TM7SF3: variants seen among roughly 807,000 people sequenced by gnomAD.
TM7SF3 encodes seven span transmembrane protein.
In TM7SF3, 60 loss-of-function variants were observed where a neutral mutation model predicts 65.5. The ratio of observed to expected loss-of-function variants is 0.92; its 90% confidence interval spans 0.74 to 1.14. The LOEUF is 1.14. Ranked by LOEUF, TM7SF3 falls within the 50% of genes most tolerant of loss-of-function variation. The pLI is 0.00. For synonymous variants in TM7SF3, 264 were observed against 259.6 expected, an observed-to-expected ratio of 1.02 and a Z score of -0.16; for missense variants, 623 against 684.8, an observed-to-expected ratio of 0.91 and a Z score of 1.01.
chr12:27,003,452 T>C (rs762283967), intron 1 of TM7SF3, 62 bp from the exon 2 acceptor site: 14 of 1,428,138 alleles, frequency 9.8e-6, no homozygotes, highest in Admixed American at 2.1e-5. Flanking sequence ...GCAGAAATCA[T>C]ATTCATAAAT....
chr12:27,008,163 C>A (rs1307404741), intron 1 of TM7SF3, among the ~76,000 whole-genome samples: 1 of 151,846 alleles, frequency 6.6e-6, no homozygotes, highest in African/African-American at 2.4e-5. Context: ...TATACCGCAT[C>A]AACTTACTGT....
intron 2 of TM7SF3, among the ~76,000 whole-genome samples, chr12:27,001,404 C>T (rs185430258): frequency 2.6e-5 from 4 of 152,310 alleles, no homozygotes; most frequent in African/African-American, 7.2e-5. Context: ...ATAGGCATCA[C>T]TACTAATTTG....
At chr12:26,978,562 A>G (rs1374597012) in intron 9 of TM7SF3, 1 of 152,100 alleles carries the variant, frequency 6.6e-6, no homozygotes, top group Admixed American at 6.6e-5. Flanking sequence ...ATTAAGTAGT[A>G]GTTGGTTTTT....
At chr12:26,992,849 T>G (rs1198656860) in intron 5 of TM7SF3, among the ~76,000 whole-genome samples, 1 of 148,788 alleles carries the variant, frequency 6.7e-6, no homozygotes, top group Non-Finnish European at 1.5e-5. Flanking sequence ...TTAGCTCACC[T>G]ACGAAAATGA....
intron 2 of TM7SF3, among the ~76,000 whole-genome samples, chr12:27,000,490 C>T (rs762196362): frequency 5.3e-5 from 8 of 152,076 alleles, no homozygotes; most frequent in Non-Finnish European, 7.4e-5. Flanking sequence ...GATGGAGTCT[C>T]GCTCTGTCAC....
chr12:27,003,809 G>C (rs1341667025), intron 1 of TM7SF3, among the ~76,000 whole-genome samples: 1 of 152,176 alleles, frequency 6.6e-6, no homozygotes. Flanking sequence ...AGTCAGCGTA[G>C]CCCGAAGAGA....
intron 3 of TM7SF3, among the ~76,000 whole-genome samples, chr12:26,998,582 C>T (rs1472020025): frequency 2.0e-5 from 3 of 152,186 alleles, no homozygotes; most frequent in Admixed American, 1.3e-4. Context: ...CCCTCTTATA[C>T]TCCATAACCA....
chr12:26,999,103 T>A (rs549261254), intron 3 of TM7SF3, among the ~76,000 whole-genome samples: 6 of 152,118 alleles, frequency 3.9e-5, no homozygotes, highest in African/African-American at 1.4e-4. Flanking sequence ...CTATAAAATA[T>A]TTCTGATTAT....
chr12:27,008,822 C>T (rs1941140401), intron 1 of TM7SF3, among the ~76,000 whole-genome samples: 1 of 152,102 alleles, frequency 6.6e-6, no homozygotes, highest in South Asian at 2.1e-4. Context: ...GTAATGTGTA[C>T]ACATGGGCCT....
chr12:27,004,280 AC>A (rs1940948152), intron 1 of TM7SF3, among the ~76,000 whole-genome samples: 1 of 151,206 alleles, frequency 6.6e-6, no homozygotes, highest in Admixed American at 6.6e-5. Context: ...TTCCTACCCC[AC>A]CCCCCATCCT....
chr12:27,003,803 A>G (rs11048809), intron 1 of TM7SF3, among the ~76,000 whole-genome samples: 11,217 of 152,286 alleles, frequency 0.074, 526 homozygotes, highest in Non-Finnish European at 0.1. Flanking sequence ...TTCTGAAGTC[A>G]GCGTAGCCCG....
At chr12:26,991,141 C>CTTTTTTT (rs35362439) in intron 5 of TM7SF3, among the ~76,000 whole-genome samples, 2 of 107,484 alleles carry the variant, frequency 1.9e-5, no homozygotes, top group African/African-American at 3.4e-5. Flanking sequence ...AGTAGTAGTT[C>CTTTTTTT]TTTTTTTTTT....
chr12:26,989,693 C>T (rs1164745480), intron 6 of TM7SF3, among the ~76,000 whole-genome samples: 2 of 151,884 alleles, frequency 1.3e-5, no homozygotes, highest in Non-Finnish European at 2.9e-5. Context: ...ACACACCCCT[C>T]ACAACACCTT....
intron 1 of TM7SF3, among the ~76,000 whole-genome samples, chr12:27,009,274 C>CCA (rs1011893706): frequency 6.6e-5 from 10 of 152,210 alleles, no homozygotes; most frequent in African/African-American, 1.7e-4. Flanking sequence ...CTGTCAATAT[C>CCA]CACACACACA....
intron 1 of TM7SF3, chr12:27,012,793 T>C: frequency 4.4e-6 from 2 of 450,644 alleles, no homozygotes; most frequent in East Asian, 7.0e-5. Context: ...AGGTCAGGAG[T>C]TCGAGACCAG....
intron 11 of TM7SF3, among the ~76,000 whole-genome samples, chr12:26,974,642 T>C (rs146245092): frequency 6.6e-6 from 1 of 152,326 alleles, no homozygotes; most frequent in African/African-American, 2.4e-5. Flanking sequence ...CATTCCACTC[T>C]ACATGGGGCC....
chr12:27,006,887 T>C (rs1161594289), intron 1 of TM7SF3, among the ~76,000 whole-genome samples: 1 of 152,236 alleles, frequency 6.6e-6, no homozygotes, highest in Non-Finnish European at 1.5e-5. Flanking sequence ...GTTACCATTA[T>C]AGCATGAATA....
In TM7SF3 at chr12:26,976,777, A is replaced by T. The variant is rs145647166; in HGVS notation, c.1190-420T>A. Among the ~76,000 whole-genome samples the T allele has an allele frequency of 3.9e-5, 6 of 152,352 alleles. 1 individual carries two copies. The highest frequency in any genetic ancestry group is 1.4e-4 in the African/African-American group (6 of 41,584). On this transcript the variant is annotated intron_variant, in intron 9 of 11. Transcript: ENST00000343028. Reference sequence around the variant, plus strand: ...ATACTGCAAAATAAAAAATACAAGTAAAAGGCATTCAAAGTTAAGCCATGA... The same window carrying T: ...ATACTGCAAAATAAAAAATACAAGTTAAAGGCATTCAAAGTTAAGCCATGA...
intron 2 of TM7SF3, among the ~76,000 whole-genome samples, chr12:27,002,744 G>A (rs773379129): frequency 3.9e-5 from 6 of 152,202 alleles, no homozygotes; most frequent in Admixed American, 1.3e-4. Context: ...AATACTGCTG[G>A]AGGCATAGCA....
Sources: allele counts gnomAD v4.1 joint callset (sites outside exome capture counted in the v4.1 genomes callset), GRCh38; gene constraint gnomAD v4.1.1; transcripts MANE v1.5; gene names NCBI Gene and HGNC (gene_info 2026-07-23, HGNC 2026-07-21).